MORC1: variants seen among roughly 807,000 people sequenced by gnomAD.
The protein encoded by MORC1 is MORC family CW-type zinc finger 1.
Under a neutral mutation model 134.9 loss-of-function variants are expected in MORC1, and 59 were observed. The observed-to-expected ratio is 0.44, with a 90% CI of 0.35 to 0.54. The LOEUF (loss-of-function observed/expected upper bound fraction) is 0.54, where lower values mean the gene tolerates loss of function less well. Ranked by LOEUF, MORC1 falls within the 20% of genes least tolerant of loss-of-function variation. The pLI, the probability that MORC1 is intolerant of heterozygous loss-of-function variation, is 0.00. For missense variants in MORC1, 947 were observed against 1,134.5 expected, an observed-to-expected ratio of 0.83 and a Z score of 2.37; for synonymous variants, 395 against 391.7, an observed-to-expected ratio of 1.01 and a Z score of -0.10.
chr3:108,990,502 C>T (rs1346316680), intron 21 of MORC1, among the ~76,000 whole-genome samples: 1 of 152,188 alleles, frequency 6.6e-6, no homozygotes, highest in African/African-American at 2.4e-5. Flanking sequence ...TCAGTGGGGC[C>T]ATCTGCGGTC....
intron 21 of MORC1, among the ~76,000 whole-genome samples, chr3:108,994,342 A>G (rs1465730957): frequency 1.3e-5 from 2 of 152,082 alleles, no homozygotes; most frequent in Admixed American, 1.3e-4. Flanking sequence ...TCTTGAGGCC[A>G]GCTGCAAGCC....
At chr3:109,000,419 T>TAG (rs1335718765) in intron 21 of MORC1, 138 bp downstream of exon 21, 91 of 624,872 alleles carry the variant, frequency 1.5e-4, no homozygotes, top group South Asian at 6.0e-4. Flanking sequence ...AACTTAAACT[T>TAG]TTCTGAGTCT....
chr3:109,109,047 G>A (rs904813108), intron 3 of MORC1, among the ~76,000 whole-genome samples: 26 of 152,086 alleles, frequency 1.7e-4, no homozygotes, highest in African/African-American at 6.3e-4. Flanking sequence ...CGAGTCAACC[G>A]AGCCTCAGCA....
At chr3:108,990,535 C>T (rs933017330) in intron 21 of MORC1, among the ~76,000 whole-genome samples, 18 of 152,188 alleles carry the variant, frequency 1.2e-4, no homozygotes, top group Non-Finnish European at 2.4e-4. Context: ...ATTGCAACTC[C>T]TGTTCATCAC....
rs1178273988 is a variant in MORC1, at chr3:109,032,811, A to G, written c.1474T>C (p.Trp492Arg). The change falls in exon 16 of 28, where the codon TGG becomes CGG. Residue 492 changes from tryptophan to arginine, a missense_variant. Trp to Arg is a moderately radical substitution (Grantham distance 101). Coordinates refer to ENST00000232603, the MANE Select transcript of MORC1 (RefSeq NM_014429.4). Reference sequence around the variant, plus strand: ...TTAGTAGAGGAAGGCAAGACTCTCCATTTAAGACAAAGATCTGACAATCAA... The same window carrying G: ...TTAGTAGAGGAAGGCAAGACTCTCCGTTTAAGACAAAGATCTGACAATCAA... ...FIIQCDLCLKWRVLPSSTNYQ... is the reference protein window; with the variant it reads ...FIIQCDLCLKRRVLPSSTNYQ... The G allele has an allele frequency of 9.5e-6, 15 of 1,587,022 alleles. No individual in the cohort carries two copies. Among genetic ancestry groups the G allele is most frequent in the Non-Finnish European group, 1.3e-5 (15 of 1,160,678 alleles).
chr3:109,011,788 T>G (rs1346114214), intron 17 of MORC1, among the ~76,000 whole-genome samples: 2 of 152,174 alleles, frequency 1.3e-5, no homozygotes, highest in Non-Finnish European at 2.9e-5. Context: ...CCCAAAGTGC[T>G]AGGATTACAG....
rs572646110 is a variant in MORC1, at chr3:108,962,180, C to T, written c.2799+1234G>A. 2.6e-5 allele frequency among the ~76,000 whole-genome samples: 4 copies of T among 151,994 alleles called. No individual in the cohort carries two copies. The East Asian group carries it at 7.8e-4, about 29-fold the overall frequency. ...CCTTTATATAAAAATTAGCATTAAA[C>T]ATCTTTCTAAATTTTAATAACATAA... On this transcript the variant is annotated intron_variant, in intron 27 of 27. Coordinates refer to ENST00000232603, the MANE Select transcript of MORC1 (RefSeq NM_014429.4).
Position 109,005,288 on chromosome 3 carries a change from G to C in MORC1, c.1795C>G (p.Leu599Val). The C allele has an allele frequency of 6.3e-7, 1 of 1,595,746 alleles. No individual in the cohort carries two copies. Among genetic ancestry groups the C allele is most frequent in the Non-Finnish European group, 8.5e-7 (1 of 1,175,292 alleles). ...KENTKTQKIRLLGDDLKHESL... is the reference protein window; with the variant it reads ...KENTKTQKIRVLGDDLKHESL... ...TCATGCTTCAAGTCATCGCCCAAAAGCCTGATTTTCTGGGTTTTGGTATTT... is the reference window on the plus strand; with the variant it reads ...TCATGCTTCAAGTCATCGCCCAAAACCCTGATTTTCTGGGTTTTGGTATTT... Residue 599 changes from leucine (L) to valine (V), a missense_variant, in exon 19 of 28, where the codon CTT becomes GTT. Transcript: ENST00000232603.
chr3:109,032,847 C>A (rs1432699189), intron 15 of MORC1, 22 bp from the exon 16 acceptor site: 1 of 1,409,366 alleles, frequency 7.1e-7, no homozygotes, highest in African/African-American at 1.4e-5. Context: ...AACAAAATGA[C>A]ACAGAAAAGA....
chr3:109,078,072 G>A (rs750284384), intron 8 of MORC1, among the ~76,000 whole-genome samples: 6 of 151,890 alleles, frequency 4.0e-5, no homozygotes, highest in Non-Finnish European at 7.4e-5. Context: ...TAATGACTCA[G>A]ACAAATAGAT....
intron 27 of MORC1, among the ~76,000 whole-genome samples, chr3:108,962,219 G>T (rs972697563): frequency 4.6e-5 from 7 of 151,676 alleles, no homozygotes; most frequent in Admixed American, 6.6e-5. Flanking sequence ...TTTAACTGTT[G>T]CCTAGACCAT....
At chr3:109,081,733 G>A (rs573287236) in intron 8 of MORC1, among the ~76,000 whole-genome samples, 302 of 152,252 alleles carry the variant, frequency 2.0e-3, no homozygotes, top group African/African-American at 6.7e-3. Context: ...GATTACAGGC[G>A]TGAGCCACTG....
chr3:109,112,535 G>C (rs1311354700), intron 2 of MORC1, among the ~76,000 whole-genome samples: 3 of 152,190 alleles, frequency 2.0e-5, no homozygotes, highest in Non-Finnish European at 2.9e-5. Context: ...TGAAGAAAGA[G>C]GGACTGAAGG....
At chr3:109,052,831 C>T (rs142849186) in intron 14 of MORC1, among the ~76,000 whole-genome samples, 25 of 152,110 alleles carry the variant, frequency 1.6e-4, no homozygotes, top group African/African-American at 5.3e-4. Context: ...TATTTACAGA[C>T]GACCTATAGA....
Position 109,004,811 on chromosome 3 carries a change from T to G in MORC1, c.2085+6A>C. The G allele has an allele frequency of 6.2e-7, 1 of 1,612,374 alleles. No homozygotes were observed. On this transcript the variant is annotated splice_donor_region_variant and intron_variant, in intron 20 of 27. Transcript: ENST00000232603. The stretch of plus-strand genomic sequence containing the variant: ...CTTAAATACAAATTTAAAAGCCTTT[T>G]CCCACCTGGGCATTCTTCAGGCACC...
chr3:109,071,534 C>G (rs1275066559), intron 8 of MORC1, among the ~76,000 whole-genome samples: 1 of 152,084 alleles, frequency 6.6e-6, no homozygotes, highest in Admixed American at 6.6e-5. Flanking sequence ...TTCGACATCA[C>G]AGTGCTGCAG....
At chr3:109,052,052 CAA>C (rs1949843324) in intron 14 of MORC1, among the ~76,000 whole-genome samples, 1 of 152,116 alleles carries the variant, frequency 6.6e-6, no homozygotes, top group African/African-American at 2.4e-5. Flanking sequence ...ACAGCGAAGA[CAA>C]GAGGAGTATG....
chr3:109,099,635 G>T (rs1950889935), intron 5 of MORC1, among the ~76,000 whole-genome samples, 169 bp from the exon 6 acceptor site: 1 of 151,524 alleles, frequency 6.6e-6, no homozygotes. Context: ...TAAAGCAGAA[G>T]AATTTGAACT....
intron 9 of MORC1, among the ~76,000 whole-genome samples, chr3:109,067,898 G>A (rs1400193233): frequency 2.0e-5 from 3 of 152,104 alleles, no homozygotes; most frequent in African/African-American, 7.2e-5. Context: ...CCCTACTCAG[G>A]ACAGTAACTG....
Sources: gnomAD v4.1 joint callset for allele counts (sites outside exome capture counted in the v4.1 genomes callset) on GRCh38, gnomAD v4.1.1 for gene constraint, MANE v1.5 for transcripts, NCBI Gene and HGNC (gene_info 2026-07-23, HGNC 2026-07-21) for gene names.